Variants in SCIMP observed in about 807,000 individuals in gnomAD.
SCIMP encodes the protein SLP adaptor and CSK interacting membrane protein, also known as SLP adapter and CSK-interacting membrane protein.
A neutral mutation model predicts 22.0 loss-of-function variants in SCIMP; 18 were observed. The ratio of observed to expected loss-of-function variants is 0.82; its 90% CI spans 0.56 to 1.21. The LOEUF (loss-of-function observed/expected upper bound fraction) is 1.21, where lower values mean the gene tolerates loss of function less well. Ranked by LOEUF, SCIMP falls within the 50% of genes most tolerant of loss-of-function variation. The pLI is 0.00. For missense variants in SCIMP, 155 were observed against 171.2 expected, an observed-to-expected ratio of 0.91 and a Z score of 0.53; for synonymous variants, 53 against 62.2, an observed-to-expected ratio of 0.85 and a Z score of 0.70.
At position 5,209,175 on chromosome 17, in the gene SCIMP, T is replaced by C. The variant is rs1176628; in HGVS notation, c.*1626A>G. On this transcript the variant is annotated 3_prime_UTR_variant, in exon 5 of 5. Transcript: ENST00000574081. Reference sequence around the variant, plus strand: ...TTTAGATGGAGTTTCACTCTTGTTGTCCAGGCTGGAGTGCAATGGCATGTT... The same window carrying C: ...TTTAGATGGAGTTTCACTCTTGTTGCCCAGGCTGGAGTGCAATGGCATGTT... 129,666 of 152,132 alleles carry C rather than the reference T, an allele frequency of 0.85. 55,657 individuals are homozygous for C. Among genetic ancestry groups the C allele is most frequent in the Admixed American group, 0.9 (13,808 of 15,264 alleles). The allele number at this position is 152,132 out of a possible 1,614,324, so 9.4% of individuals were successfully genotyped here.
rs950251909 is a variant in SCIMP, at chr17:5,230,184, C to T, written c.21+4551G>A. On this transcript the variant is annotated intron_variant, in intron 1 of 4. Coordinates refer to ENST00000574081, the MANE Select transcript of SCIMP (RefSeq NM_207103.3). ...GTTGCACTTGGAATAAGATGCTTAACGTCTCCTTGCAGGCTTCTGAAAAGC... is the reference window on the plus strand; with the variant it reads ...GTTGCACTTGGAATAAGATGCTTAATGTCTCCTTGCAGGCTTCTGAAAAGC... 3.9e-5 allele frequency among the ~76,000 whole-genome samples: 6 copies of T among 152,232 alleles called. No homozygotes were observed. In the South Asian group the frequency reaches 1.0e-3, roughly 26 times the overall value.
intron 3 of SCIMP, among the ~76,000 whole-genome samples, chr17:5,219,255 G>A (rs1340287666): frequency 4.6e-5 from 7 of 152,040 alleles, no homozygotes; most frequent in African/African-American, 9.7e-5. Context: ...GGAGGCAGAC[G>A]TTGTGGTGAG....
At chr17:5,218,376 G>A (rs35476829) in intron 3 of SCIMP, among the ~76,000 whole-genome samples, 11,545 of 150,222 alleles carry the variant, frequency 0.077, 499 homozygotes, top group Middle Eastern at 0.14. Flanking sequence ...AGTTTCACTC[G>A]TCACCCAGGC....
At chr17:5,225,782 G>T (rs973654447) in intron 1 of SCIMP, among the ~76,000 whole-genome samples, 2 of 149,558 alleles carry the variant, frequency 1.3e-5, no homozygotes, top group Non-Finnish European at 3.0e-5. Flanking sequence ...AAAAAACACC[G>T]ATCTCAAAGA....
Position 5,215,801 on chromosome 17 carries a change from C to T in SCIMP, c.210-803G>A, listed in dbSNP as rs546237632. ...CATAACAGCTCTGAATTGGACACGA[C>T]CTGTATTAGTCTGGGTTGTCCAGAG... On this transcript the variant is annotated intron_variant, in intron 3 of 4. Coordinates refer to ENST00000574081, the MANE Select transcript of SCIMP (RefSeq NM_207103.3). 2.6e-5 allele frequency among the ~76,000 whole-genome samples: 4 copies of T among 152,236 alleles called. 1 individual carries two copies. Among genetic ancestry groups the T allele is most frequent in the Non-Finnish European group, 5.9e-5 (4 of 68,012 alleles).
intron 1 of SCIMP, among the ~76,000 whole-genome samples, chr17:5,228,480 C>CA (rs750297523): frequency 2.6e-5 from 4 of 151,668 alleles, no homozygotes; most frequent in African/African-American, 7.3e-5. Context: ...CTTGTCTCTA[C>CA]AAAAAAAATT....
At position 5,225,572 on chromosome 17, in the gene SCIMP, C is replaced by A. The variant is rs151240762; in HGVS notation, c.22-2116G>T. Reference sequence around the variant, plus strand: ...GGTCAGGAGTTCGAAACCAGCTTGGCCATCATGGTGAAACCCCTTCTCTAC... The same window carrying A: ...GGTCAGGAGTTCGAAACCAGCTTGGACATCATGGTGAAACCCCTTCTCTAC... On this transcript the variant is annotated intron_variant, in intron 1 of 4. Coordinates refer to ENST00000574081, the MANE Select transcript of SCIMP (RefSeq NM_207103.3). Among the ~76,000 whole-genome samples the A allele has an allele frequency of 4.1e-3, 631 of 152,092 alleles. 1 individual carries two copies. Among genetic ancestry groups the A allele is most frequent in the African/African-American group, 0.013 (530 of 41,480 alleles).
At chr17:5,227,005 A>G (rs2074654366) in intron 1 of SCIMP, among the ~76,000 whole-genome samples, 3 of 151,990 alleles carry the variant, frequency 2.0e-5, no homozygotes, top group Non-Finnish European at 4.4e-5. Context: ...GGAGTACACA[A>G]TGGCTGCATG....
chr17:5,232,350 ATAAACAGTGCAGTG>A (rs1408531932), intron 1 of SCIMP, among the ~76,000 whole-genome samples: 2 of 26,086 alleles, frequency 7.7e-5, no homozygotes, highest in East Asian at 2.0e-3. Context: ...GGGGTGGAAT[ATAAACAGTGCAGTG>A]TAAACAGTGC....
At chr17:5,214,379 AC>A (rs1477409921) in intron 4 of SCIMP, 1 of 153,140 alleles carries the variant, frequency 6.5e-6, no homozygotes, top group Non-Finnish European at 1.5e-5. Context: ...ACATGGTGAA[AC>A]CCCGTCTCTA....
chr17:5,226,069 C>T (rs912862960), intron 1 of SCIMP, among the ~76,000 whole-genome samples: 2 of 152,148 alleles, frequency 1.3e-5, no homozygotes, highest in African/African-American at 4.8e-5. Flanking sequence ...AGGAAAAACA[C>T]CGCTTGCAGA....
chr17:5,222,982 T>C (rs1450609375), intron 2 of SCIMP, among the ~76,000 whole-genome samples: 2 of 152,102 alleles, frequency 1.3e-5, no homozygotes, highest in Non-Finnish European at 2.9e-5. Flanking sequence ...TTCTTAATAT[T>C]CCATATACTT....
chr17:5,228,302 C>T (rs965434229), intron 1 of SCIMP, among the ~76,000 whole-genome samples: 7 of 150,910 alleles, frequency 4.6e-5, no homozygotes, highest in African/African-American at 1.5e-4. Context: ...GCTGCAGTCA[C>T]GCCACTGCAC....
chr17:5,225,192 C>A (rs891596844), intron 1 of SCIMP, among the ~76,000 whole-genome samples: 1 of 152,142 alleles, frequency 6.6e-6, no homozygotes, highest in African/African-American at 2.4e-5. Context: ...CGGCCAGGTG[C>A]GGTGGCTCAC....
At chr17:5,229,850 C>G (rs923351072) in intron 1 of SCIMP, among the ~76,000 whole-genome samples, 6 of 135,780 alleles carry the variant, frequency 4.4e-5, no homozygotes, top group Admixed American at 7.7e-5. Flanking sequence ...TCTCCTTTCT[C>G]CCCTCTTCTC....
intron 2 of SCIMP, among the ~76,000 whole-genome samples, chr17:5,222,448 C>T (rs1239537094): frequency 6.6e-6 from 1 of 152,032 alleles, no homozygotes; most frequent in Non-Finnish European, 1.5e-5. Context: ...TTAAAGCTTT[C>T]GTGTTTCTGG....
intron 3 of SCIMP, among the ~76,000 whole-genome samples, chr17:5,219,492 G>T (rs139836126): frequency 2.0e-5 from 3 of 151,882 alleles, no homozygotes; most frequent in African/African-American, 7.3e-5. Context: ...GCTGGGCATA[G>T]TGGCAGGTGC....
rs143897656 is a variant in SCIMP, at chr17:5,233,465, C to T, written c.21+1270G>A. 5.2e-3 allele frequency among the ~76,000 whole-genome samples: 799 copies of T among 152,258 alleles called. 7 individuals carry two copies. The highest frequency in any genetic ancestry group is 0.018 in the African/African-American group (767 of 41,560). ...TTGGCTCACTGCAACCTCCACCTCC[C>T]GGGCTCAAACGATTCTCCTGCCTCA... On this transcript the variant is annotated intron_variant, in intron 1 of 4. Coordinates refer to ENST00000574081, the MANE Select transcript of SCIMP (RefSeq NM_207103.3).
chr17:5,224,712 C>T (rs62072833), intron 1 of SCIMP, among the ~76,000 whole-genome samples: 4 of 152,168 alleles, frequency 2.6e-5, no homozygotes, highest in Admixed American at 6.6e-5. Context: ...GCCTCGGCCT[C>T]CCAAAGTGCT....
Sources: gnomAD v4.1 joint callset for allele counts (sites outside exome capture counted in the v4.1 genomes callset) on GRCh38, gnomAD v4.1.1 for gene constraint, MANE v1.5 for transcripts, NCBI Gene and HGNC (gene_info 2026-07-23, HGNC 2026-07-21) for gene names.